ACYP2: variants seen among roughly 807,000 people sequenced by gnomAD.
ACYP2 encodes the protein acylphosphatase 2, also known as acylphosphatase-2.
A neutral mutation model predicts 11.2 loss-of-function variants in ACYP2; 12 were observed. The ratio of observed to expected loss-of-function variants is 1.08; its 90% confidence interval spans 0.69 to 1.74. The LOEUF is 1.74. Among genes scored for constraint, ACYP2 ranks in the 40% most tolerant of loss-of-function variants. The probability of loss-of-function intolerance (pLI) is 0.00; values close to 1 mark genes in which losing one functional copy is unlikely to be tolerated. For missense variants in ACYP2, 134 were observed against 101.9 expected, an observed-to-expected ratio of 1.31 and a Z score of -1.35; for synonymous variants, 43 against 32.2, an observed-to-expected ratio of 1.33 and a Z score of -1.13.
At chr2:54,128,990 T>C (rs994663053) in intron 4 of ACYP2, among the ~76,000 whole-genome samples, 2 of 152,184 alleles carry the variant, frequency 1.3e-5, no homozygotes, top group African/African-American at 4.8e-5. Context: ...TTTCTAGGTA[T>C]TCCTTAATCC....
At chr2:54,163,144 A>G (rs934311293) in intron 6 of ACYP2, among the ~76,000 whole-genome samples, 1 of 152,190 alleles carries the variant, frequency 6.6e-6, no homozygotes, top group African/African-American at 2.4e-5. Context: ...CCCAAACAGT[A>G]TGGATTTTGC....
rs1420606382 is a variant in ACYP2 at position 54,037,015 on chromosome 2, T to A, written c.63-13943T>A. Among the ~76,000 whole-genome samples, 5 of 152,334 alleles carry A rather than the reference T, an allele frequency of 3.3e-5. No individual in the cohort carries two copies. In the East Asian group the frequency reaches 5.8e-4, roughly 18 times the overall value. On this transcript the variant is annotated intron_variant, in intron 2 of 6. Coordinates refer to ENST00000607452, the MANE Select transcript of ACYP2 (RefSeq NM_001320586.2). ...GAAGTAATGTTGTCCCTAATTAATA[T>A]GTATATAATTTTACATTGAGTTTCT...
intron 4 of ACYP2, chr2:54,080,443 A>AT (rs1423029331): frequency 6.6e-6 from 1 of 152,192 alleles, no homozygotes; most frequent in Admixed American, 6.6e-5. Context: ...TAATCTTATT[A>AT]TAGAAAGAAT....
At chr2:54,039,516 T>G (rs1675108678) in intron 2 of ACYP2, among the ~76,000 whole-genome samples, 1 of 152,134 alleles carries the variant, frequency 6.6e-6, no homozygotes, top group Non-Finnish European at 1.5e-5. Context: ...GATCTCGAAC[T>G]CCTGAGCTCA....
At chr2:54,235,629 C>T (rs1311584418) in intron 6 of ACYP2, among the ~76,000 whole-genome samples, 3 of 152,148 alleles carry the variant, frequency 2.0e-5, no homozygotes, top group African/African-American at 4.8e-5. Context: ...GGATTACAGG[C>T]GTGAGCCACC....
chr2:54,197,973 TATTG>T (rs1684579329), intron 6 of ACYP2, among the ~76,000 whole-genome samples: 1 of 124,444 alleles, frequency 8.0e-6, no homozygotes, highest in African/African-American at 3.6e-5. Flanking sequence ...TATTGTATTG[TATTG>T]TATTGTATTG....
At chr2:54,097,108 C>G (rs914264509) in intron 4 of ACYP2, among the ~76,000 whole-genome samples, 1 of 152,192 alleles carries the variant, frequency 6.6e-6, no homozygotes, top group African/African-American at 2.4e-5. Flanking sequence ...TTTATAATAT[C>G]TTTCACCTCC....
At chr2:54,111,731 A>G (rs533403283) in intron 4 of ACYP2, among the ~76,000 whole-genome samples, 96 of 152,370 alleles carry the variant, frequency 6.3e-4, no homozygotes, top group Non-Finnish European at 1.2e-3. Context: ...GGAAGTTAAC[A>G]ATTTGTATCA....
At chr2:54,076,835 CTT>C (rs371321759) in intron 4 of ACYP2, among the ~76,000 whole-genome samples, 260 of 152,282 alleles carry the variant, frequency 1.7e-3, no homozygotes, top group Middle Eastern at 3.4e-3. Flanking sequence ...AAAGATAACA[CTT>C]AGCAGCTGTC....
intron 2 of ACYP2, among the ~76,000 whole-genome samples, chr2:54,004,526 T>C (rs1352529030): frequency 6.8e-6 from 1 of 147,824 alleles, no homozygotes; most frequent in Non-Finnish European, 1.5e-5. Flanking sequence ...TTCTCCTGCC[T>C]CAGCCTTCCA....
chr2:54,245,278 T>C (rs1444927486), intron 6 of ACYP2, among the ~76,000 whole-genome samples: 1 of 152,218 alleles, frequency 6.6e-6, no homozygotes, highest in African/African-American at 2.4e-5. Context: ...GATTCATTTA[T>C]CTATTGTTGG....
intron 2 of ACYP2, among the ~76,000 whole-genome samples, chr2:53,991,778 T>A (rs537052295): frequency 4.5e-4 from 69 of 152,220 alleles, no homozygotes; most frequent in African/African-American, 1.6e-3. Flanking sequence ...CAATTTTTTT[T>A]AAGTTTTTTA....
rs186701881 is a variant in ACYP2 at position 53,981,141 on chromosome 2, G to T, written c.62+7331G>T. On this transcript the variant is annotated intron_variant, in intron 2 of 6. Coordinates refer to ENST00000607452, the MANE Select transcript of ACYP2 (RefSeq NM_001320586.2). ...AACTACTTACCATTGTGTTACAATTGCCTGTAGTATTCAGTACGGACATGC... is the reference window on the plus strand; with the variant it reads ...AACTACTTACCATTGTGTTACAATTTCCTGTAGTATTCAGTACGGACATGC... Among the ~76,000 whole-genome samples, 3 of 152,132 alleles carry T rather than the reference G, an allele frequency of 2.0e-5. No homozygotes were observed. The East Asian group carries it at 5.8e-4, about 29-fold the overall frequency.
intron 6 of ACYP2, among the ~76,000 whole-genome samples, chr2:54,225,436 CT>C (rs200623286): frequency 2.9e-4 from 44 of 151,496 alleles, no homozygotes; most frequent in Non-Finnish European, 4.6e-4. Context: ...TGTAATAACA[CT>C]TTTTTTTTCT....
intron 6 of ACYP2, among the ~76,000 whole-genome samples, chr2:54,301,836 G>A (rs1490446713): frequency 6.6e-6 from 1 of 152,156 alleles, no homozygotes; most frequent in Non-Finnish European, 1.5e-5. Context: ...GCACTTGAGA[G>A]TCAGGTCTCA....
chr2:54,173,434 G>A (rs1358319400), intron 6 of ACYP2, among the ~76,000 whole-genome samples: 2 of 152,102 alleles, frequency 1.3e-5, no homozygotes, highest in Non-Finnish European at 2.9e-5. Context: ...TGTAGATTCT[G>A]GATATTAGCC....
chr2:54,205,375 T>C (rs1685031303), intron 6 of ACYP2, among the ~76,000 whole-genome samples: 1 of 152,240 alleles, frequency 6.6e-6, no homozygotes, highest in Non-Finnish European at 1.5e-5. Flanking sequence ...AAGAGAAGGC[T>C]TGGTTTCTTA....
chr2:54,222,211 A>G (rs1045443899), intron 6 of ACYP2, among the ~76,000 whole-genome samples: 10 of 152,124 alleles, frequency 6.6e-5, no homozygotes, highest in Admixed American at 2.6e-4. Flanking sequence ...AAATCATGCT[A>G]TTATCATCAC....
intron 6 of ACYP2, among the ~76,000 whole-genome samples, chr2:54,150,615 T>A (rs1184829429): frequency 6.6e-6 from 1 of 151,810 alleles, no homozygotes; most frequent in African/African-American, 2.4e-5. Flanking sequence ...AGAGATGGGG[T>A]TTCACCATGT....
Sources: gnomAD v4.1 joint callset for allele counts (sites outside exome capture counted in the v4.1 genomes callset) on GRCh38, gnomAD v4.1.1 for gene constraint, MANE v1.5 for transcripts, NCBI Gene and HGNC (gene_info 2026-07-23, HGNC 2026-07-21) for gene names.